Variants in REDIC1 observed in about 807,000 individuals in gnomAD.
REDIC1 encodes HEI10 Interacting Protein 1.
chr12:39,717,484 A>T, the REDIC1 span, among the ~76,000 whole-genome samples: 2 of 152,026 alleles, frequency 1.3e-5, no homozygotes, highest in Non-Finnish European at 2.9e-5. Context: ...AATCCTCATC[A>T]TCTTCATGTT....
the REDIC1 span, chr12:39,872,030 A>C: frequency 7.4e-7 from 1 of 1,344,030 alleles, no homozygotes; most frequent in Non-Finnish European, 9.8e-7. Flanking sequence ...TTTGATAGAA[A>C]AAGATGTATT....
At chr12:39,726,616 A>G in the REDIC1 span, among the ~76,000 whole-genome samples, 1 of 152,320 alleles carries the variant, frequency 6.6e-6, no homozygotes, top group East Asian at 1.9e-4. Flanking sequence ...TACTGCTGCA[A>G]TAAACACACA....
At chr12:39,696,995 A>G in the REDIC1 span, among the ~76,000 whole-genome samples, 1 of 152,206 alleles carries the variant, frequency 6.6e-6, no homozygotes, top group African/African-American at 2.4e-5. Flanking sequence ...AGAGAAACAT[A>G]TCAATATCCA....
At chr12:39,897,613 T>C in the REDIC1 span, among the ~76,000 whole-genome samples, 3 of 152,210 alleles carry the variant, frequency 2.0e-5, no homozygotes, top group African/African-American at 4.8e-5. Flanking sequence ...ATGCAGCTCT[T>C]GAGCACTAGA....
the REDIC1 span, among the ~76,000 whole-genome samples, chr12:39,697,444 T>A: frequency 6.6e-6 from 1 of 152,102 alleles, no homozygotes; most frequent in East Asian, 1.9e-4. Context: ...CTGATAATAA[T>A]AAGTACACAG....
the REDIC1 span, chr12:39,764,812 A>C: frequency 6.2e-7 from 1 of 1,612,480 alleles, no homozygotes; most frequent in Non-Finnish European, 8.5e-7. Context: ...CAGAAATTGT[A>C]AGCCCAAAAT....
chr12:39,641,026 C>A, the REDIC1 span: 7 of 1,559,020 alleles, frequency 4.5e-6, 1 homozygote, highest in South Asian at 7.8e-5. Context: ...TTTTGTCAGC[C>A]TTATGAGACT....
the REDIC1 span, among the ~76,000 whole-genome samples, chr12:39,842,529 G>A: frequency 1.3e-5 from 2 of 152,004 alleles, no homozygotes; most frequent in Non-Finnish European, 2.9e-5. Flanking sequence ...ACAGTAGGAG[G>A]CAATGGTTAC....
At chr12:39,657,555 A>G in the REDIC1 span, among the ~76,000 whole-genome samples, 1 of 152,194 alleles carries the variant, frequency 6.6e-6, no homozygotes, top group Non-Finnish European at 1.5e-5. Flanking sequence ...TTAAGTTTTT[A>G]CTGAACACAG....
At chr12:39,876,622 C>G in the REDIC1 span, among the ~76,000 whole-genome samples, 1 of 151,964 alleles carries the variant, frequency 6.6e-6, no homozygotes, top group Admixed American at 6.6e-5. Flanking sequence ...ATATGAAAAC[C>G]TTAGTGACAT....
chr12:39,870,314 C>G, the REDIC1 span, among the ~76,000 whole-genome samples: 7 of 152,132 alleles, frequency 4.6e-5, no homozygotes, highest in Non-Finnish European at 8.8e-5. Context: ...ATCTGAAAAT[C>G]AAGGGTCAGC....
chr12:39,704,746 A>G, the REDIC1 span, among the ~76,000 whole-genome samples: 1 of 152,254 alleles, frequency 6.6e-6, no homozygotes, highest in Non-Finnish European at 1.5e-5. Flanking sequence ...GCAGCCATAA[A>G]AAAGGATGAG....
chr12:39,627,646 AG>A, the REDIC1 span, among the ~76,000 whole-genome samples: 1 of 152,190 alleles, frequency 6.6e-6, no homozygotes, highest in Admixed American at 6.5e-5. Flanking sequence ...ATTAGGTACC[AG>A]GGGGTTTAAG....
At chr12:39,758,847 C>T in the REDIC1 span, 7 of 150,584 alleles carry the variant, frequency 4.6e-5, no homozygotes, top group Admixed American at 4.0e-4. Context: ...AAAATAAAAA[C>T]GAGTTTATGC....
the REDIC1 span, among the ~76,000 whole-genome samples, chr12:39,896,157 C>T: frequency 3.5e-5 from 5 of 141,364 alleles, no homozygotes; most frequent in Admixed American, 7.2e-5. Flanking sequence ...TATGTATACA[C>T]GTGTATACAT....
chr12:39,792,439 A>G, the REDIC1 span, among the ~76,000 whole-genome samples: 3 of 152,172 alleles, frequency 2.0e-5, no homozygotes, highest in Non-Finnish European at 4.4e-5. Context: ...TGAACAGGCA[A>G]CATTCTTTTG....
the REDIC1 span, chr12:39,758,168 T>C: frequency 6.6e-6 from 1 of 151,766 alleles, no homozygotes; most frequent in Middle Eastern, 3.4e-3. Context: ...GGAAAAAACC[T>C]CTATAAAATA....
At chr12:39,896,514 G>T in the REDIC1 span, among the ~76,000 whole-genome samples, 45,790 of 140,724 alleles carry the variant, frequency 0.33, 8,362 homozygotes, top group Non-Finnish European at 0.39. Context: ...ATGTACATGT[G>T]TGTATACATG....
chr12:39,884,600 G>C, the REDIC1 span, among the ~76,000 whole-genome samples: 1 of 152,120 alleles, frequency 6.6e-6, no homozygotes, highest in African/African-American at 2.4e-5. Context: ...AAGATACAAA[G>C]GCAATATCTG....
Sources: allele counts gnomAD v4.1 joint callset (sites outside exome capture counted in the v4.1 genomes callset), GRCh38; gene constraint gnomAD v4.1.1; transcripts MANE v1.5; gene names NCBI Gene and HGNC (gene_info 2026-07-23, HGNC 2026-07-21).